Variants in LDB2 observed in about 807,000 individuals in gnomAD.
LDB2 encodes LIM domain binding 2, also known as LIM domain-binding protein 2.
In LDB2, 12 loss-of-function variants were observed where a neutral mutation model predicts 44.3. The ratio of observed to expected loss-of-function variants is 0.27; its 90% CI spans 0.17 to 0.44. The LOEUF (loss-of-function observed/expected upper bound fraction) is 0.44. Among genes scored for constraint, LDB2 ranks in the 20% least tolerant of loss-of-function variants. LDB2 has a pLI of 1.00. For synonymous variants in LDB2, 164 were observed against 174.8 expected (o/e 0.94, Z 0.49); for missense variants, 344 against 473.5 (o/e 0.73, Z 2.54).
chr4:16,563,909 C>G (rs942627552), intron 5 of LDB2, among the ~76,000 whole-genome samples: 1 of 152,126 alleles, frequency 6.6e-6, no homozygotes, highest in Admixed American at 6.5e-5. Context: ...ATCTCCAGAT[C>G]AGACTCCACA....
intron 4 of LDB2, among the ~76,000 whole-genome samples, chr4:16,586,485 AATAC>A (rs1716843347): frequency 1.0e-5 from 1 of 99,068 alleles, no homozygotes; most frequent in African/African-American, 4.3e-5. Context: ...ACTGTCTTGA[AATAC>A]ACACACACAC....
intron 5 of LDB2, among the ~76,000 whole-genome samples, chr4:16,561,107 T>A (rs1742009584): frequency 2.0e-5 from 3 of 152,026 alleles, no homozygotes; most frequent in African/African-American, 4.8e-5. Context: ...CCACAGCCAA[T>A]ATCATACTGA....
intron 5 of LDB2, among the ~76,000 whole-genome samples, chr4:16,547,951 T>TTTTG (rs926154805): frequency 4.6e-5 from 7 of 151,268 alleles, no homozygotes; most frequent in African/African-American, 1.7e-4. Context: ...GGTTCTTTTT[T>TTTTG]TTTGTTTGTT....
chr4:16,553,528 TTTG>T lies in LDB2; in HGVS notation c.615+32391_615+32393del, dbSNP rs530976514. Among the ~76,000 whole-genome samples the T allele has an allele frequency of 5.4e-3, 817 of 152,286 alleles. 12 individuals carry two copies. Among genetic ancestry groups the T allele is most frequent in the Non-Finnish European group, 7.7e-3 (524 of 68,018 alleles). ...AAAACTGAGGCATGGAGAGGTTTTT[TTTG>T]TTGTTGTTGTTTGTTGTTTGTTTGT... On this transcript the variant is annotated intron_variant, in intron 5 of 7. Coordinates refer to ENST00000304523, the MANE Select transcript of LDB2 (RefSeq NM_001290.5).
chr4:16,597,615 G>A (rs1721346379), intron 2 of LDB2, among the ~76,000 whole-genome samples: 1 of 152,098 alleles, frequency 6.6e-6, no homozygotes, highest in East Asian at 1.9e-4. Flanking sequence ...TCATACCGTT[G>A]AGAATAAATG....
At chr4:16,853,744 A>G (rs969485465) in intron 1 of LDB2, among the ~76,000 whole-genome samples, 1 of 152,194 alleles carries the variant, frequency 6.6e-6, no homozygotes, top group Non-Finnish European at 1.5e-5. Context: ...TCAGTGGATG[A>G]CAGGGAAAAG....
At chr4:16,536,847 G>A (rs1393099978) in intron 5 of LDB2, among the ~76,000 whole-genome samples, 4 of 152,336 alleles carry the variant, frequency 2.6e-5, no homozygotes, top group East Asian at 1.9e-4. Flanking sequence ...ATTTTTGACT[G>A]TGTGGCCTTA....
rs144897968 is a variant in LDB2 at position 16,547,303 on chromosome 4, G to A, written c.616-35199C>T. Reference sequence around the variant, plus strand: ...GATTTCTTAGACCTTCAGAGGGAGCGCAGCCATTGTGACACCTTGACTTGG... The same window carrying A: ...GATTTCTTAGACCTTCAGAGGGAGCACAGCCATTGTGACACCTTGACTTGG... On this transcript the variant is annotated intron_variant, in intron 5 of 7. Transcript: ENST00000304523. 2.1e-3 allele frequency among the ~76,000 whole-genome samples: 327 copies of A among 152,270 alleles called. 1 individual carries two copies. The highest frequency in any genetic ancestry group is 6.8e-3 in the Middle Eastern group (2 of 294).
intron 2 of LDB2, among the ~76,000 whole-genome samples, chr4:16,673,832 A>C (rs1260901209): frequency 6.6e-6 from 1 of 152,192 alleles, no homozygotes; most frequent in African/African-American, 2.4e-5. Context: ...TTGGGAAAGC[A>C]TGGGCTACCC....
chr4:16,898,619 G>A lies in LDB2; in HGVS notation c.-134C>T, dbSNP rs1725990177. ...CACACACACAGAGGCAGGCAGGCAG[G>A]CAGGCTGAACACGCTGGCTGGGAAC... On this transcript the variant is annotated 5_prime_UTR_variant, in exon 1 of 8. Transcript: ENST00000304523. 5 of 746,478 alleles carry A rather than the reference G, an allele frequency of 6.7e-6. No homozygotes were observed. In the East Asian group the frequency reaches 1.7e-4, roughly 26 times the overall value. The allele number at this position is 746,478 out of a possible 1,614,324, so 46.2% of individuals were successfully genotyped here.
intron 1 of LDB2, among the ~76,000 whole-genome samples, chr4:16,830,059 C>A (rs540313431): frequency 6.6e-6 from 1 of 151,866 alleles, no homozygotes; most frequent in Non-Finnish European, 1.5e-5. Flanking sequence ...GGGCTGAGAT[C>A]GAGATCTCAC....
chr4:16,813,375 A>G (rs1238185005), intron 1 of LDB2, among the ~76,000 whole-genome samples: 1 of 152,188 alleles, frequency 6.6e-6, no homozygotes, highest in Non-Finnish European at 1.5e-5. Context: ...GACATAGAAG[A>G]AGTCTTCAAT....
At chr4:16,736,709 A>C (rs1201921310) in intron 2 of LDB2, among the ~76,000 whole-genome samples, 1 of 152,184 alleles carries the variant, frequency 6.6e-6, no homozygotes, top group East Asian at 1.9e-4. Context: ...TTGGGTGTTG[A>C]CAGTCTATTT....
chr4:16,841,878 A>G (rs1035774447), intron 1 of LDB2, among the ~76,000 whole-genome samples: 6 of 152,210 alleles, frequency 3.9e-5, no homozygotes, highest in African/African-American at 1.4e-4. Context: ...ACCACTTTCA[A>G]ATTAAATGTC....
chr4:16,854,504 T>TACACACACAC (rs61445499), intron 1 of LDB2, among the ~76,000 whole-genome samples: 95 of 145,276 alleles, frequency 6.5e-4, no homozygotes, highest in Middle Eastern at 7.1e-3. Context: ...TAAATATAAA[T>TACACACACAC]ACACACACAC....
At chr4:16,873,794 A>G (rs1487878932) in intron 1 of LDB2, among the ~76,000 whole-genome samples, 1 of 152,184 alleles carries the variant, frequency 6.6e-6, no homozygotes, top group Non-Finnish European at 1.5e-5. Context: ...TAAATTGCCC[A>G]AGTCATAACA....
chr4:16,837,919 T>C (rs1341416825), intron 1 of LDB2, among the ~76,000 whole-genome samples: 1 of 152,260 alleles, frequency 6.6e-6, no homozygotes, highest in African/African-American at 2.4e-5. Context: ...AGGCGCTTGG[T>C]GCACATGCAC....
chr4:16,832,962 C>T (rs1475831787), intron 1 of LDB2, among the ~76,000 whole-genome samples: 1 of 152,190 alleles, frequency 6.6e-6, no homozygotes, highest in Non-Finnish European at 1.5e-5. Context: ...GCTTAACACA[C>T]AGTCACACAA....
chr4:16,868,678 A>G (rs759858239), intron 1 of LDB2, among the ~76,000 whole-genome samples: 5 of 152,252 alleles, frequency 3.3e-5, no homozygotes, highest in Non-Finnish European at 5.9e-5. Flanking sequence ...GCAACCATGC[A>G]GAGTATAACA....
Sources: allele counts gnomAD v4.1 joint callset (sites outside exome capture counted in the v4.1 genomes callset), GRCh38; gene constraint gnomAD v4.1.1; transcripts MANE v1.5; gene names NCBI Gene and HGNC (gene_info 2026-07-23, HGNC 2026-07-21).